Variants in IGFBP7 observed in about 807,000 individuals in gnomAD.
IGFBP7 encodes the protein insulin like growth factor binding protein 7.
Under a neutral mutation model 29.4 loss-of-function variants are expected in IGFBP7, and 31 were observed. That is an observed-to-expected ratio of 1.05 (90% CI 0.79 to 1.42). The LOEUF (loss-of-function observed/expected upper bound fraction) is 1.42, where lower values mean the gene tolerates loss of function less well. IGFBP7 is among the 40% of genes most tolerant of loss of function. The pLI, the probability that IGFBP7 is intolerant of heterozygous loss-of-function variation, is 0.00. For synonymous variants in IGFBP7, 172 were observed against 174.9 expected, an observed-to-expected ratio of 0.98 and a Z score of 0.13; for missense variants, 393 against 395.5, an observed-to-expected ratio of 0.99 and a Z score of 0.05.
At chr4:57,044,397 T>C (rs1464247627) in intron 1 of IGFBP7, among the ~76,000 whole-genome samples, 1 of 152,222 alleles carries the variant, frequency 6.6e-6, no homozygotes, top group Admixed American at 6.5e-5. Context: ...CTGTGGTTAG[T>C]GCTTTTCGTG....
At position 57,078,201 on chromosome 4, in the gene IGFBP7, G is replaced by A. The variant is rs914300271; in HGVS notation, c.475+31676C>T. 2.6e-5 allele frequency among the ~76,000 whole-genome samples: 4 copies of A among 152,056 alleles called. No homozygotes were observed. The East Asian group carries it at 5.8e-4, about 22-fold the overall frequency. On this transcript the variant is annotated intron_variant, in intron 1 of 4. Transcript: ENST00000295666. ...GACTGCTCACTATGGGCATTCATAT[G>A]TGTAAATAATTTAACCCTCACGACA...
chr4:57,042,124 C>G (rs1379820062), intron 1 of IGFBP7, among the ~76,000 whole-genome samples: 1 of 152,140 alleles, frequency 6.6e-6, no homozygotes, highest in Non-Finnish European at 1.5e-5. Flanking sequence ...TCCATTCCCC[C>G]AATTAGGGAA....
chr4:57,106,978 A>C (rs550699285), intron 1 of IGFBP7, among the ~76,000 whole-genome samples: 4 of 152,282 alleles, frequency 2.6e-5, no homozygotes, highest in African/African-American at 9.6e-5. Context: ...ATTATCTTTC[A>C]GACATATTTT....
intron 1 of IGFBP7, among the ~76,000 whole-genome samples, chr4:57,103,655 C>CTTTT (rs1560510152): frequency 7.1e-4 from 45 of 63,618 alleles, no homozygotes; most frequent in South Asian, 2.9e-3. Flanking sequence ...TTTTTTTTTT[C>CTTTT]TTTTCTTTTT....
chr4:57,093,181 A>G (rs1725679694), intron 1 of IGFBP7, among the ~76,000 whole-genome samples: 1 of 152,240 alleles, frequency 6.6e-6, no homozygotes, highest in East Asian at 1.9e-4. Flanking sequence ...GCTAAAGTTT[A>G]ATTAACAAGG....
At chr4:57,033,730 T>C (rs1180303107) in intron 2 of IGFBP7, among the ~76,000 whole-genome samples, 2 of 152,108 alleles carry the variant, frequency 1.3e-5, no homozygotes, top group East Asian at 1.9e-4. Context: ...CTGCAACAGC[T>C]TCATCAATGG....
intron 1 of IGFBP7, among the ~76,000 whole-genome samples, chr4:57,059,881 G>A (rs1724760467): frequency 6.6e-6 from 1 of 152,054 alleles, no homozygotes; most frequent in Non-Finnish European, 1.5e-5. Context: ...TTCCTTAAGG[G>A]GAAATTCCTA....
In IGFBP7 at chr4:57,110,192, G is replaced by A. The variant is rs1043881288; in HGVS notation, c.160C>T (p.Arg54Cys). The A allele has an allele frequency of 7.2e-7, 1 of 1,387,164 alleles. No individual in the cohort carries two copies. Among genetic ancestry groups the A allele is most frequent in the South Asian group, 1.7e-5 (1 of 60,416 alleles). The allele number at this position is 1,387,164 out of a possible 1,614,324, so 85.9% of individuals were successfully genotyped here. ...ATAGGGCAGCAGCCGCACGCGTCGC[G>A]GGTCTCGCCCAGCAGGCAGCCCAGC... ...PPLGCLLGET[R>C]DACGCCPMCA... is the part of the protein sequence containing the mutation. The change falls in exon 1 of 5, where the codon CGC (arginine) becomes TGC (cysteine). Residue 54 changes from arginine to cysteine, a missense_variant. By Grantham distance (180) the Arg-to-Cys change is radical (BLOSUM62 -3). Transcript: ENST00000295666.
chr4:57,094,333 GA>G, intron 1 of IGFBP7, among the ~76,000 whole-genome samples: 1 of 152,320 alleles, frequency 6.6e-6, no homozygotes, highest in African/African-American at 2.4e-5. Flanking sequence ...TTGCCAAGTG[GA>G]AACTGGGAGA....
At chr4:57,093,459 C>G (rs1578648039) in intron 1 of IGFBP7, among the ~76,000 whole-genome samples, 1 of 151,150 alleles carries the variant, frequency 6.6e-6, no homozygotes, top group East Asian at 1.9e-4. Context: ...GAGATCACAC[C>G]TCTGCACTCC....
intron 1 of IGFBP7, among the ~76,000 whole-genome samples, chr4:57,069,849 G>A (rs141139557): frequency 4.1e-4 from 63 of 152,270 alleles, no homozygotes; most frequent in African/African-American, 1.5e-3. Flanking sequence ...TTGGGAGGCC[G>A]AGGCAGGTGA....
chr4:57,070,663 C>T (rs1718843), intron 1 of IGFBP7, among the ~76,000 whole-genome samples: 62,092 of 152,066 alleles, frequency 0.41, 14,409 homozygotes, highest in Admixed American at 0.55. Context: ...CAGGCCTGAA[C>T]CATAACTGTT....
At chr4:57,098,226 C>A (rs1195242264) in intron 1 of IGFBP7, among the ~76,000 whole-genome samples, 2 of 152,102 alleles carry the variant, frequency 1.3e-5, no homozygotes, top group Non-Finnish European at 2.9e-5. Context: ...GTGGACCGAG[C>A]AGGACTCACC....
chr4:57,078,585 T>C (rs1052895140), intron 1 of IGFBP7, among the ~76,000 whole-genome samples: 5 of 152,046 alleles, frequency 3.3e-5, no homozygotes, highest in Non-Finnish European at 7.4e-5. Flanking sequence ...AGAGCTTCGC[T>C]CCTGCTTAAT....
At chr4:57,036,111 T>C (rs945941213) in intron 2 of IGFBP7, among the ~76,000 whole-genome samples, 11 of 152,252 alleles carry the variant, frequency 7.2e-5, no homozygotes, top group Admixed American at 3.9e-4. Context: ...GAATATTACG[T>C]AGCTGTTGAG....
At chr4:57,049,536 A>T (rs923505864) in intron 1 of IGFBP7, among the ~76,000 whole-genome samples, 2 of 151,808 alleles carry the variant, frequency 1.3e-5, no homozygotes, top group African/African-American at 2.4e-5. Context: ...CCCTCCTCTT[A>T]TTTCTTATCA....
At chr4:57,033,440 G>T in intron 2 of IGFBP7, 129 bp from the exon 3 acceptor site, 1 of 740,624 alleles carries the variant, frequency 1.4e-6, no homozygotes, top group South Asian at 1.4e-5. Flanking sequence ...GCATTTCACT[G>T]AACTATTTCC....
chr4:57,047,454 A>G (rs1363441881), intron 1 of IGFBP7, among the ~76,000 whole-genome samples: 1 of 152,182 alleles, frequency 6.6e-6, no homozygotes, highest in Non-Finnish European at 1.5e-5. Context: ...GAGGAGGTGA[A>G]GGAGAAGGAG....
chr4:57,055,814 C>G (rs1321285326), intron 1 of IGFBP7, among the ~76,000 whole-genome samples: 1 of 152,050 alleles, frequency 6.6e-6, no homozygotes, highest in Non-Finnish European at 1.5e-5. Flanking sequence ...ACTTGGGAGC[C>G]GCCCTTTGCT....
Sources: gnomAD v4.1 joint callset for allele counts (sites outside exome capture counted in the v4.1 genomes callset) on GRCh38, gnomAD v4.1.1 for gene constraint, MANE v1.5 for transcripts, NCBI Gene and HGNC (gene_info 2026-07-23, HGNC 2026-07-21) for gene names.